Variants in GGTA1 observed in about 807,000 individuals in gnomAD.
GGTA1 encodes the protein glycoprotein alpha-galactosyltransferase 1 (inactive), also known as inactive N-acetyllactosaminide alpha-1,3-galactosyltransferase.
In GGTA1, 5 loss-of-function variants were observed where a neutral mutation model predicts 2.6. That is an observed-to-expected ratio of 1.92 (90% CI 1.00 to 4.04). The LOEUF is 4.04. GGTA1 is among the 30% of genes most tolerant of loss of function. GGTA1 has a pLI of 0.00. For missense variants in GGTA1, 50 were observed against 16.7 expected (o/e 2.99, Z -3.47); for synonymous variants, 17 against 5.0 (o/e 3.38, Z -3.19).
chr9:121,461,285 T>C lies in GGTA1; in HGVS notation c.149A>G (p.Lys50Arg). 2 of 456,604 alleles carry C rather than the reference T, an allele frequency of 4.4e-6. No individual in the cohort carries two copies. The highest frequency in any genetic ancestry group is 3.1e-5 in the South Asian group (2 of 64,526). The allele number at this position is 456,604 out of a possible 1,614,324, so 28.3% of individuals were successfully genotyped here. The change falls in exon 4 of 6, where the codon AAG (lysine) becomes AGG (arginine). Residue 50 changes from lysine to arginine, a missense_variant. Lys to Arg is a conservative substitution (Grantham distance 26, BLOSUM62 2). Transcript: ENST00000481799. The stretch of plus-strand genomic sequence containing the variant: ...AAACCAGCTCAGAAACCACCAGCCC[T>C]TCTGAGCACTGCTGTCATCAACTTC... ...NPEVDDSSAQKGWWFLSWFNN... is the reference protein window; with the variant it reads ...NPEVDDSSAQRGWWFLSWFNN...
At chr9:121,453,204 G>A (rs1010914625), downstream of GGTA1, among the ~76,000 whole-genome samples, 5 of 152,250 alleles carry the variant, frequency 3.3e-5, no homozygotes, top group African/African-American at 1.2e-4. Context: ...CAGAAAGGAA[G>A]GCATTTGATG....
intron 1 of GGTA1, 65 bp from the exon 2 acceptor site, chr9:121,467,996 TTTTTAAAAAATGC>T: frequency 2.4e-6 from 1 of 423,826 alleles, no homozygotes; most frequent in Non-Finnish European, 4.7e-6. Context: ...CAAGAGGCAG[TTTTTAAAAAATGC>T]TTTTACCCCG....
At chr9:121,490,449 C>A (rs1828851105) in intron 1 of GGTA1, among the ~76,000 whole-genome samples, 1 of 152,218 alleles carries the variant, frequency 6.6e-6, no homozygotes, top group African/African-American at 2.4e-5. Context: ...CAGCAGAATT[C>A]TGTGGCACTA....
intron 1 of GGTA1, among the ~76,000 whole-genome samples, chr9:121,474,756 G>A (rs1392715824): frequency 6.6e-6 from 1 of 152,142 alleles, no homozygotes; most frequent in Non-Finnish European, 1.5e-5. Context: ...GCACTCAGAT[G>A]CCATGGAAAA....
At chr9:121,458,530 GGC>G (rs1489911567) in intron 5 of GGTA1, among the ~76,000 whole-genome samples, 2 of 151,948 alleles carry the variant, frequency 1.3e-5, no homozygotes, top group Non-Finnish European at 2.9e-5. Flanking sequence ...GGGAGGCTGA[GGC>G]GGGAGGATCA....
At chr9:121,488,321 A>G (rs1390891209) in intron 1 of GGTA1, among the ~76,000 whole-genome samples, 1 of 152,136 alleles carries the variant, frequency 6.6e-6, no homozygotes, top group Non-Finnish European at 1.5e-5. Context: ...TCTTCATTTA[A>G]TCAATTCATG....
At chr9:121,488,488 G>A (rs1388055136) in intron 1 of GGTA1, among the ~76,000 whole-genome samples, 1 of 152,166 alleles carries the variant, frequency 6.6e-6, no homozygotes, top group Admixed American at 6.5e-5. Flanking sequence ...GCCAAGGTAG[G>A]TGGATCACCT....
At chr9:121,449,615 G>A (rs966309862) in intron 7 of GGTA1, among the ~76,000 whole-genome samples, 1 of 152,292 alleles carries the variant, frequency 6.6e-6, no homozygotes, top group East Asian at 1.9e-4. Context: ...GCCGAGGCGG[G>A]TGGATCACAA....
At chr9:121,486,897 C>A (rs1828766931) in intron 1 of GGTA1, among the ~76,000 whole-genome samples, 1 of 152,160 alleles carries the variant, frequency 6.6e-6, no homozygotes, top group Admixed American at 6.5e-5. Flanking sequence ...CCCGGTTTGC[C>A]CATCTGCAGA....
chr9:121,498,067 T>G (rs1589341278), intron 1 of GGTA1, among the ~76,000 whole-genome samples: 2 of 152,232 alleles, frequency 1.3e-5, no homozygotes, highest in Non-Finnish European at 2.9e-5. Context: ...CTGAGCAATC[T>G]GACATCAAAA....
intron 1 of GGTA1, among the ~76,000 whole-genome samples, chr9:121,483,633 G>A (rs915854347): frequency 6.6e-6 from 1 of 152,090 alleles, no homozygotes; most frequent in African/African-American, 2.4e-5. Flanking sequence ...ATTACAGCCC[G>A]AACAGCCCAT....
exon 8 of GGTA1, chr9:121,446,830 TTAAG>T (rs1564648772): frequency 1.3e-5 from 2 of 152,230 alleles, no homozygotes; most frequent in Admixed American, 1.3e-4. Flanking sequence ...GAAGTTAAAA[TTAAG>T]TGTTACTTTT....
intron 1 of GGTA1, among the ~76,000 whole-genome samples, chr9:121,487,881 A>G (rs1406433215): frequency 6.6e-6 from 1 of 151,768 alleles, no homozygotes; most frequent in Non-Finnish European, 1.5e-5. Context: ...ACGCCCAGCT[A>G]ATTTTTGTAT....
rs370070817 is a variant in GGTA1 at position 121,496,646 on chromosome 9, C to T, written c.-10+3004G>A. On this transcript the variant is annotated intron_variant, in intron 1 of 5. Transcript: ENST00000481799. Reference sequence around the variant, plus strand: ...ACTCAGGAGGCTGAGGCAGGAGAATCGCTTGAACCCGGGAGGCAAAGGTTG... The same window carrying T: ...ACTCAGGAGGCTGAGGCAGGAGAATTGCTTGAACCCGGGAGGCAAAGGTTG... Among the ~76,000 whole-genome samples the T allele has an allele frequency of 6.3e-5, 9 of 141,964 alleles. No individual in the cohort carries two copies. In the East Asian group the frequency reaches 6.7e-4, roughly 11 times the overall value. The allele number at this position is 141,964 out of a possible 152,430, so 93.1% of individuals were successfully genotyped here. A position where few individuals can be genotyped will look rare whatever the true frequency, so the allele number is the denominator to read the frequency against.
intron 2 of GGTA1, among the ~76,000 whole-genome samples, chr9:121,463,840 T>C (rs1234363301): frequency 6.6e-6 from 1 of 152,146 alleles, no homozygotes; most frequent in Non-Finnish European, 1.5e-5. Flanking sequence ...CCAGACATCC[T>C]TCCCCCAGGA....
intron 1 of GGTA1, chr9:121,494,922 CTTTTTTTTTT>C (rs66772492): frequency 3.5e-5 from 4 of 114,030 alleles, no homozygotes; most frequent in African/African-American, 1.3e-4. Context: ...CTACATCATT[CTTTTTTTTTT>C]TTTTTTTTTT....
At chr9:121,474,969 A>G (rs1828475032) in intron 1 of GGTA1, among the ~76,000 whole-genome samples, 1 of 152,182 alleles carries the variant, frequency 6.6e-6, no homozygotes, top group Admixed American at 6.5e-5. Context: ...GGCTCCCAGT[A>G]GGAGCATCCC....
intron 2 of GGTA1, among the ~76,000 whole-genome samples, chr9:121,466,221 A>T (rs1169745792): frequency 6.6e-6 from 1 of 152,040 alleles, no homozygotes; most frequent in East Asian, 1.9e-4. Context: ...TGCCCAGCCT[A>T]TTATCCCCAA....
Position 121,496,731 on chromosome 9 carries a change from C to CAAAAAAAAAAAA in GGTA1, c.-10+2907_-10+2918dup, listed in dbSNP as rs772847384. On this transcript the variant is annotated intron_variant, in intron 1 of 5. Coordinates refer to ENST00000481799, the MANE Select transcript of GGTA1 (RefSeq NM_001382585.1). Reference sequence around the variant, plus strand: ...TGAGTGACAGAGCAAGGCTCCATCTCAAAAAAAAAAAAAAAAAAAAAAAAA... The same window carrying CAAAAAAAAAAAA: ...TGAGTGACAGAGCAAGGCTCCATCTCAAAAAAAAAAAAAAAAAAAAAAAAAAAAAAAAAAAAA... Among the ~76,000 whole-genome samples the CAAAAAAAAAAAA allele has an allele frequency of 1.9e-4, 6 of 31,212 alleles. 1 individual carries two copies. Among genetic ancestry groups the CAAAAAAAAAAAA allele is most frequent in the African/African-American group, 6.1e-4 (5 of 8,228 alleles). The allele number at this position is 31,212 out of a possible 152,430, so 20.5% of individuals were successfully genotyped here.
Sources: gnomAD v4.1 joint callset for allele counts (sites outside exome capture counted in the v4.1 genomes callset) on GRCh38, gnomAD v4.1.1 for gene constraint, MANE v1.5 for transcripts, NCBI Gene and HGNC (gene_info 2026-07-23, HGNC 2026-07-21) for gene names.